Variants in SMC2 observed in about 807,000 individuals in gnomAD.
SMC2 encodes structural maintenance of chromosomes 2, also known as structural maintenance of chromosomes protein 2.
A neutral mutation model predicts 142.6 loss-of-function variants in SMC2; 41 were observed. The observed-to-expected ratio is 0.29, with a 90% CI of 0.22 to 0.37. SMC2 has a LOEUF of 0.37. Among genes scored for constraint, SMC2 ranks in the 10% least tolerant of loss-of-function variants. The probability of loss-of-function intolerance (pLI) is 1.00; values close to 1 mark genes in which losing one functional copy is unlikely to be tolerated. For synonymous variants in SMC2, 463 were observed against 457.5 expected (o/e 1.01, Z -0.15); for missense variants, 1,265 against 1,373.7 (o/e 0.92, Z 1.25).
At chr9:104,101,183 C>G (rs1277432617) in intron 7 of SMC2, among the ~76,000 whole-genome samples, 2 of 152,130 alleles carry the variant, frequency 1.3e-5, no homozygotes, top group East Asian at 3.9e-4. Flanking sequence ...GATCCACCTG[C>G]CTCGGCCTCG....
At chr9:104,108,295 G>T (rs1303933635) in intron 9 of SMC2, among the ~76,000 whole-genome samples, 2 of 152,046 alleles carry the variant, frequency 1.3e-5, no homozygotes, top group African/African-American at 4.8e-5. Context: ...GCCATCTCTG[G>T]TGGGGACCCG....
upstream of SMC2, chr9:104,094,266 A>T (rs372023369): frequency 2.5e-6 from 1 of 398,448 alleles, no homozygotes; most frequent in African/African-American, 2.1e-5. Context: ...CCAGCACAGG[A>T]AATAAGCAAT....
chr9:104,132,125 G>A lies in SMC2; in HGVS notation c.3108G>A (p.Lys1036=). 2.0e-6 allele frequency: 3 copies of A among 1,475,060 alleles called. No individual in the cohort carries two copies. The highest frequency in any genetic ancestry group is 2.8e-6 in the Non-Finnish European group (3 of 1,064,298). 91.4% of individuals were successfully genotyped at this position (1,475,060 alleles called of 1,614,324 possible). The part of the protein sequence containing the change: ...KNQALNIAWQ[K]VNKDFGSIFS... Reference sequence around the variant, plus strand: ...AAGCCCTAAATATTGCATGGCAAAAGGTACTTTTTATGTTTGTTTTATATG... The same window carrying A: ...AAGCCCTAAATATTGCATGGCAAAAAGTACTTTTTATGTTTGTTTTATATG... Residue 1036 remains lysine (K), a splice_region_variant and synonymous_variant, in exon 22 of 25, where the codon AAG becomes AAA. Transcript: ENST00000374793.
At chr9:104,126,373 A>G (rs7847218) in intron 18 of SMC2, among the ~76,000 whole-genome samples, 8,620 of 152,158 alleles carry the variant, frequency 0.057, 655 homozygotes, top group African/African-American at 0.18. Flanking sequence ...ATGTTATATT[A>G]TTTTCCCTAT....
intron 22 of SMC2, among the ~76,000 whole-genome samples, chr9:104,132,715 T>A (rs987066677): frequency 2.6e-5 from 4 of 152,122 alleles, no homozygotes; most frequent in African/African-American, 9.7e-5. Context: ...CACCTTGTTT[T>A]TTTCTTCTCT....
intron 9 of SMC2, among the ~76,000 whole-genome samples, chr9:104,103,631 G>A (rs76230005): frequency 3.3e-5 from 5 of 152,188 alleles, no homozygotes; most frequent in African/African-American, 1.2e-4. Flanking sequence ...CAAGTATATA[G>A]TCTCACATGT....
At position 104,117,419 on chromosome 9, in the gene SMC2, T is replaced by C. The variant is rs186598760; in HGVS notation, c.1792-752T>C. ...AAGCTCTAAAAGAGATGCTTAGTTTTTCTTAAATGATGGGCAGAGGTAGCC... is the reference window on the plus strand; with the variant it reads ...AAGCTCTAAAAGAGATGCTTAGTTTCTCTTAAATGATGGGCAGAGGTAGCC... On this transcript the variant is annotated intron_variant, in intron 14 of 24. Transcript: ENST00000374793. Among the ~76,000 whole-genome samples, 1,273 of 152,318 alleles carry C rather than the reference T, an allele frequency of 8.4e-3. 18 individuals are homozygous for C. Among genetic ancestry groups the C allele is most frequent in the Non-Finnish European group, 7.7e-3 (526 of 68,010 alleles).
At chr9:104,130,969 G>GA (rs1325488396) in intron 21 of SMC2, among the ~76,000 whole-genome samples, 7 of 151,852 alleles carry the variant, frequency 4.6e-5, no homozygotes, top group African/African-American at 1.7e-4. Context: ...GGATTTTCAT[G>GA]AAAAAATAAG....
At chr9:104,108,528 C>T (rs73663498) in intron 9 of SMC2, among the ~76,000 whole-genome samples, 2,481 of 152,258 alleles carry the variant, frequency 0.016, 87 homozygotes, top group African/African-American at 0.057. Context: ...TGTTCCCTCT[C>T]GGGATCCATC....
chr9:104,128,659 C>T (rs1251278817), intron 20 of SMC2, among the ~76,000 whole-genome samples: 4 of 152,124 alleles, frequency 2.6e-5, no homozygotes, highest in Admixed American at 1.3e-4. Context: ...GGAATTAATA[C>T]AAGTCAATAA....
At chr9:104,108,420 C>G (rs990189564) in intron 9 of SMC2, among the ~76,000 whole-genome samples, 3 of 152,178 alleles carry the variant, frequency 2.0e-5, no homozygotes, top group Admixed American at 2.0e-4. Context: ...TTTCCATATA[C>G]TCGTCCTCTA....
chr9:104,110,330 A>G (rs1333405986), intron 9 of SMC2, among the ~76,000 whole-genome samples: 2 of 152,218 alleles, frequency 1.3e-5, no homozygotes, highest in African/African-American at 4.8e-5. Flanking sequence ...TCTTGTAAAC[A>G]GATAATATAA....
At chr9:104,136,755 C>CTTT (rs755408895) in intron 23 of SMC2, among the ~76,000 whole-genome samples, 13 of 119,844 alleles carry the variant, frequency 1.1e-4, no homozygotes, top group African/African-American at 3.4e-4. Flanking sequence ...CTGTTTTATT[C>CTTT]TTTTTTTTTT....
Position 104,100,158 on chromosome 9 carries a change from G to C in SMC2, c.546G>C (p.Gln182His). Reference sequence around the variant, plus strand: ...ATGAATACAAAAAAATAGCTGCACAGAAAACTATAGAAAAAAAGGAGGCTA... The same window carrying C: ...ATGAATACAAAAAAATAGCTGCACACAAAACTATAGAAAAAAAGGAGGCTA... ...RMYEYKKIAA[Q>H]KTIEKKEAKL... The change falls in exon 6 of 25, where the codon CAG (glutamine) becomes CAC (histidine). Residue 182 changes from glutamine to histidine, a missense_variant. Physicochemically the swap from Gln to His is conservative, Grantham distance 24. Coordinates refer to ENST00000374793, the MANE Select transcript of SMC2 (RefSeq NM_006444.3). 1.9e-6 allele frequency: 3 copies of C among 1,576,478 alleles called. No homozygotes were observed. Among genetic ancestry groups the C allele is most frequent in the Middle Eastern group, 1.8e-4 (1 of 5,536 alleles).
intron 9 of SMC2, among the ~76,000 whole-genome samples, chr9:104,108,976 G>C (rs1471475503): frequency 6.6e-6 from 1 of 152,050 alleles, no homozygotes; most frequent in Non-Finnish European, 1.5e-5. Context: ...TTCTAGGAGG[G>C]AACTGAAATA....
chr9:104,108,752 G>A (rs1480283708), intron 9 of SMC2, among the ~76,000 whole-genome samples: 8 of 152,132 alleles, frequency 5.3e-5, no homozygotes, highest in African/African-American at 1.9e-4. Flanking sequence ...CTACAGATAG[G>A]TAGTAATAGA....
upstream of SMC2, among the ~76,000 whole-genome samples, chr9:104,091,143 T>A (rs1564054603): frequency 6.6e-6 from 1 of 152,226 alleles, no homozygotes; most frequent in Non-Finnish European, 1.5e-5. Context: ...AGAAATAAAA[T>A]ACAGTCATGC....
chr9:104,120,420 C>T (rs1833603964), intron 16 of SMC2, among the ~76,000 whole-genome samples: 1 of 152,200 alleles, frequency 6.6e-6, no homozygotes, highest in African/African-American at 2.4e-5. Context: ...TCCATTCTCT[C>T]TGCTGAGAAA....
chr9:104,139,280 G>A lies in SMC2; in HGVS notation c.3559G>A (p.Ala1187Thr). 6.2e-7 allele frequency: 1 copy of A among 1,600,112 alleles called. No homozygotes were observed. The highest frequency in any genetic ancestry group is 8.5e-7 in the Non-Finnish European group (1 of 1,175,316). The change falls in exon 25 of 25, where the codon GCA (alanine) becomes ACA (threonine). Residue 1187 changes from alanine to threonine, a missense_variant. Around this residue, in one of 4 missense-constraint regions of SMC2, gnomAD observed 192 missense variants for 261.9 expected, o/e 0.73. Transcript: ENST00000374793. Reference protein sequence around the residue: ...GKISKEAKSKAKPPKGAHVEV With the variant: ...GKISKEAKSKTKPPKGAHVEV Reference sequence around the variant, plus strand: ...GATTTCAAAGGAAGCAAAATCCAAGGCAAAACCACCCAAAGGAGCACATGT... The same window carrying A: ...GATTTCAAAGGAAGCAAAATCCAAGACAAAACCACCCAAAGGAGCACATGT...
Sources: gnomAD v4.1 joint callset for allele counts (sites outside exome capture counted in the v4.1 genomes callset) on GRCh38, gnomAD v4.1.1 for gene constraint, gnomAD v4.1.1 regional missense constraint, MANE v1.5 for transcripts, NCBI Gene and HGNC (gene_info 2026-07-23, HGNC 2026-07-21) for gene names.